NAV2: variants seen among roughly 807,000 people sequenced by gnomAD.
The protein encoded by NAV2 is helicase, APC down-regulated 1.
In NAV2, 54 loss-of-function variants were observed where a neutral mutation model predicts 223.2. That is an observed-to-expected ratio of 0.24 (90% CI 0.19 to 0.30). NAV2 has a LOEUF of 0.30. NAV2 is among the 10% of genes least tolerant of loss of function. The pLI is 1.00. For synonymous variants in NAV2, 1,279 were observed against 1,239.3 expected (o/e 1.03, Z -0.67); for missense variants, 2,806 against 3,147.5 (o/e 0.89, Z 2.60).
At chr11:19,692,247 A>G (rs1408726020) in intron 1 of NAV2, among the ~76,000 whole-genome samples, 1 of 152,242 alleles carries the variant, frequency 6.6e-6, no homozygotes, top group Admixed American at 6.5e-5. Flanking sequence ...GAAGTCCGCA[A>G]ACATCTTCCC....
chr11:19,711,771 C>T (rs1308287609), upstream of NAV2: 2 of 152,230 alleles, frequency 1.3e-5, no homozygotes, highest in Non-Finnish European at 2.9e-5. Flanking sequence ...TGGTCTCTTA[C>T]ATTGCCAGGT....
At chr11:19,386,935 G>A (rs1437155257) in intron 1 of NAV2, among the ~76,000 whole-genome samples, 1 of 152,128 alleles carries the variant, frequency 6.6e-6, no homozygotes, top group Non-Finnish European at 1.5e-5. Flanking sequence ...TAAAGTATAG[G>A]CAAAGGCATG....
intron 1 of NAV2, among the ~76,000 whole-genome samples, chr11:19,497,199 A>AGAC (rs1324964079): frequency 6.6e-6 from 1 of 152,242 alleles, no homozygotes; most frequent in Non-Finnish European, 1.5e-5. Context: ...CTACTTCTGT[A>AGAC]AAATGGCAAT....
intron 1 of NAV2, among the ~76,000 whole-genome samples, chr11:19,621,039 T>C (rs1312822068): frequency 1.3e-5 from 2 of 152,278 alleles, no homozygotes; most frequent in South Asian, 2.1e-4. Flanking sequence ...TTGTCTTTGA[T>C]TCTGTTTATA....
chr11:19,716,685 A>T (rs1280166524), intron 1 of NAV2, among the ~76,000 whole-genome samples: 1 of 152,192 alleles, frequency 6.6e-6, no homozygotes, highest in Non-Finnish European at 1.5e-5. Context: ...CTGATGGGTG[A>T]GGCTCTTTAC....
At chr11:19,553,290 A>G (rs1436309119) in intron 1 of NAV2, among the ~76,000 whole-genome samples, 1 of 152,176 alleles carries the variant, frequency 6.6e-6, no homozygotes, top group South Asian at 2.1e-4. Flanking sequence ...CCCCACCCCT[A>G]ATCTTGGGCT....
At chr11:20,029,280 C>T (rs567490842) in intron 11 of NAV2, among the ~76,000 whole-genome samples, 4 of 152,226 alleles carry the variant, frequency 2.6e-5, no homozygotes, top group African/African-American at 7.2e-5. Flanking sequence ...TCTGAACCCT[C>T]ACGGGTGGTA....
In NAV2 at chr11:19,498,488, T is replaced by C. The variant is rs2042867830; in HGVS notation, c.75+147461T>C. On this transcript the variant is annotated intron_variant, in intron 1 of 37. Coordinates refer to the NAV2 transcript ENST00000360655. Reference sequence around the variant, plus strand: ...AGTTAGAACTCAGTGAGAAAATATATAAATGAAGTGTTGACATACAGAAGG... The same window carrying C: ...AGTTAGAACTCAGTGAGAAAATATACAAATGAAGTGTTGACATACAGAAGG... 2.6e-5 allele frequency among the ~76,000 whole-genome samples: 4 copies of C among 152,238 alleles called. No homozygotes were observed. In the South Asian group the frequency reaches 8.3e-4, roughly 31 times the overall value.
At chr11:19,957,452 A>T (rs1312868331) in intron 10 of NAV2, among the ~76,000 whole-genome samples, 2 of 152,230 alleles carry the variant, frequency 1.3e-5, no homozygotes, top group Non-Finnish European at 1.5e-5. Context: ...GCTGCAGAAC[A>T]AATGACAGCT....
chr11:19,354,538 G>A (rs16936578), intron 1 of NAV2, among the ~76,000 whole-genome samples: 6,277 of 152,300 alleles, frequency 0.041, 455 homozygotes, highest in African/African-American at 0.14. Flanking sequence ...CAAAGTTGGT[G>A]TAGTGAGTGA....
chr11:19,787,627 G>A (rs755256457), intron 1 of NAV2, among the ~76,000 whole-genome samples: 17 of 152,154 alleles, frequency 1.1e-4, no homozygotes, highest in South Asian at 6.2e-4. Context: ...TTCTCACAGG[G>A]ATATCAGATA....
intron 12 of NAV2, among the ~76,000 whole-genome samples, chr11:20,038,648 C>T (rs151117042): frequency 1.9e-4 from 29 of 152,302 alleles, no homozygotes; most frequent in Non-Finnish European, 2.4e-4. Flanking sequence ...CCAAGAGCTG[C>T]GCCTTCTATG....
rs116199577 is a variant in NAV2, at chr11:19,425,437, A to G, written c.75+74410A>G. Reference sequence around the variant, plus strand: ...CTGGATAGGTACTCTGTGCCCTGCTAGTCTCTCTTTCATTCCATCCAGAGA... The same window carrying G: ...CTGGATAGGTACTCTGTGCCCTGCTGGTCTCTCTTTCATTCCATCCAGAGA... On this transcript the variant is annotated intron_variant, in intron 1 of 37. Coordinates refer to the NAV2 transcript ENST00000360655. 1.3e-3 allele frequency among the ~76,000 whole-genome samples: 199 copies of G among 152,282 alleles called. 1 individual carries two copies. Among genetic ancestry groups the G allele is most frequent in the African/African-American group, 4.5e-3 (185 of 41,572 alleles).
At chr11:19,734,023 T>C (rs1486133316) in intron 1 of NAV2, among the ~76,000 whole-genome samples, 1 of 152,146 alleles carries the variant, frequency 6.6e-6, no homozygotes, top group Non-Finnish European at 1.5e-5. Context: ...AATGGAGGCA[T>C]AGAGAGGCAT....
intron 1 of NAV2, among the ~76,000 whole-genome samples, chr11:19,822,198 G>A (rs1404110497): frequency 2.6e-5 from 4 of 152,160 alleles, no homozygotes; most frequent in Admixed American, 2.0e-4. Flanking sequence ...TAACCAGAAT[G>A]GGTGATCCAT....
At chr11:20,063,922 T>A (rs533070445) in intron 20 of NAV2, among the ~76,000 whole-genome samples, 1 of 152,304 alleles carries the variant, frequency 6.6e-6, no homozygotes, top group East Asian at 1.9e-4. Context: ...TAGGCCTGTA[T>A]TGAGCAAACA....
intron 1 of NAV2, among the ~76,000 whole-genome samples, chr11:19,786,942 G>A (rs2152705473): frequency 6.6e-6 from 1 of 152,186 alleles, no homozygotes; most frequent in East Asian, 1.9e-4. Context: ...GGAGTTGAAG[G>A]CTGTAGTGTG....
At chr11:19,843,936 A>G (rs945313948) in intron 3 of NAV2, among the ~76,000 whole-genome samples, 7 of 152,020 alleles carry the variant, frequency 4.6e-5, no homozygotes, top group Non-Finnish European at 7.4e-5. Context: ...CAGCCATTTT[A>G]GTTGGCTTTT....
At chr11:19,964,095 G>A (rs1242206921) in intron 10 of NAV2, among the ~76,000 whole-genome samples, 4 of 152,092 alleles carry the variant, frequency 2.6e-5, no homozygotes, top group Non-Finnish European at 4.4e-5. Flanking sequence ...TTTATTAATC[G>A]AGTGACTTTT....
Sources: allele counts gnomAD v4.1 joint callset (sites outside exome capture counted in the v4.1 genomes callset), GRCh38; gene constraint gnomAD v4.1.1; transcripts MANE v1.5; gene names NCBI Gene and HGNC (gene_info 2026-07-23, HGNC 2026-07-21).